KRT19: variants seen among roughly 807,000 people sequenced by gnomAD.
KRT19 encodes the protein keratin 19, also known as keratin, type I cytoskeletal 19.
KRT19 carries 21 observed loss-of-function variants against 34.6 expected under a neutral mutation model. That is an observed-to-expected ratio of 0.61 (90% CI 0.43 to 0.87). The LOEUF is 0.87. KRT19 is among the 40% of genes least tolerant of loss of function. The probability of loss-of-function intolerance (pLI) is 0.00; values close to 1 mark genes in which losing one functional copy is unlikely to be tolerated. For synonymous variants in KRT19, 240 were observed against 245.8 expected (o/e 0.98, Z 0.22); for missense variants, 514 against 545.7 (o/e 0.94, Z 0.58).
chr17:41,527,716 C>G (rs1392522949), intron 1 of KRT19, 112 bp downstream of exon 1: 5 of 1,217,356 alleles, frequency 4.1e-6, no homozygotes, highest in African/African-American at 3.1e-5. Context: ...GTGGACCTTC[C>G]CACGTCCTAA....
chr17:41,528,214 TG>T lies in KRT19; in HGVS notation c.33del (p.Thr12ArgfsTer58). 1 of 1,581,208 alleles carries T rather than the reference TG, an allele frequency of 6.3e-7. No individual in the cohort carries two copies. The highest frequency in any genetic ancestry group is 8.5e-7 in the Non-Finnish European group (1 of 1,171,728). MTSYSYRQSS[A>X]TSSFGGLGGG... ...CCGCCCAGGCCTCCGAAGGACGACG[TG>T]GCCGACGACTGGCGATAGCTGTAGG... On this transcript the variant is annotated frameshift_variant, in exon 1 of 6. Transcript: ENST00000361566. LOFTEE classifies it high-confidence loss of function.
At position 41,524,504 on chromosome 17, in the gene KRT19, C is replaced by T. The variant is rs771737175; in HGVS notation, c.697G>A (p.Val233Ile). Reference protein sequence around the residue: ...STLRGQVGGQVSVEVDSAPGT... With the variant: ...STLRGQVGGQISVEVDSAPGT... Reference sequence around the variant, plus strand: ...GGAGCGGAATCCACCTCCACACTGACCTGGCCTCCCACTTGGCCCCTCAGC... The same window carrying T: ...GGAGCGGAATCCACCTCCACACTGATCTGGCCTCCCACTTGGCCCCTCAGC... Residue 233 changes from valine to isoleucine, a missense_variant, in exon 4 of 6, where the codon GTC becomes ATC. Coordinates refer to ENST00000361566, the MANE Select transcript of KRT19 (RefSeq NM_002276.5). 2.5e-6 allele frequency: 4 copies of T among 1,614,174 alleles called. No homozygotes were observed. In the South Asian group the frequency reaches 3.3e-5, roughly 13 times the overall value.
Position 41,527,911 on chromosome 17 carries a change from G to T in KRT19, c.337C>A (p.Arg113Ser), listed in dbSNP as rs769172400. 1.2e-5 allele frequency: 19 copies of T among 1,613,706 alleles called. No homozygotes were observed. The highest frequency in any genetic ancestry group is 4.2e-6 in the Non-Finnish European group (5 of 1,179,868). ...GGCCCCTGCTTCTGGTACCAGTCGC[G>T]GATCTTCACCTCTAGCTCGCCGTTG... ...AANGELEVKI[R>S]DWYQKQGPGP... Residue 113 changes from arginine to serine, a missense_variant, in exon 1 of 6, where the codon CGC (arginine) becomes AGC (serine). Transcript: ENST00000361566.
In KRT19 at chr17:41,528,062, G is replaced by C. The variant is rs758517038; in HGVS notation, c.186C>G (p.Gly62=). ...FVSSSSSGAY[G]GGYGGVLTAS... is the part of the protein sequence containing the mutation. ...CGGTCAGGACGCCGCCGTAGCCGCCGCCGTAGGCCCCCGAGGAGGACGAGG... is the reference window on the plus strand; with the variant it reads ...CGGTCAGGACGCCGCCGTAGCCGCCCCCGTAGGCCCCCGAGGAGGACGAGG... The change falls in exon 1 of 6, where the codon GGC becomes GGG. Residue 62 remains glycine, a synonymous_variant. Coordinates refer to ENST00000361566, the MANE Select transcript of KRT19 (RefSeq NM_002276.5). 8.7e-6 allele frequency: 14 copies of C among 1,609,770 alleles called. No homozygotes were observed. The Admixed American group carries it at 1.0e-4, about 12-fold the overall frequency.
rs758074102 is a variant in KRT19, at chr17:41,524,234, G to C, written c.857C>G (p.Thr286Arg). Reference protein sequence around the residue: ...EELNREVAGHTEQLQMSRSEV... With the variant: ...EELNREVAGHREQLQMSRSEV... Reference sequence around the variant, plus strand: ...GGACCTGCTCATCTGGAGCTGCTCCGTGTGGCCAGCGACCTCCCGGTTCAA... The same window carrying C: ...GGACCTGCTCATCTGGAGCTGCTCCCTGTGGCCAGCGACCTCCCGGTTCAA... Residue 286 changes from threonine to arginine, a missense_variant, in exon 5 of 6, where the codon ACG becomes AGG. By Grantham distance (71) the Thr-to-Arg change is moderately conservative. Coordinates refer to ENST00000361566, the MANE Select transcript of KRT19 (RefSeq NM_002276.5). 6.2e-7 allele frequency: 1 copy of C among 1,614,084 alleles called. No homozygotes were observed. The highest frequency in any genetic ancestry group is 8.5e-7 in the Non-Finnish European group (1 of 1,179,996).
At chr17:41,527,735 T>A in intron 1 of KRT19, 93 bp downstream of exon 1, 1 of 1,402,754 alleles carries the variant, frequency 7.1e-7, no homozygotes, top group Non-Finnish European at 9.5e-7. Context: ...AACGGGCTCC[T>A]GCCCGCCGCC....
At chr17:41,527,437 C>T (rs1398750414) in intron 1 of KRT19, among the ~76,000 whole-genome samples, 2 of 152,336 alleles carry the variant, frequency 1.3e-5, no homozygotes, top group Admixed American at 6.5e-5. Flanking sequence ...CAAAGCCAAA[C>T]TCTCGCATCT....
chr17:41,526,510 C>T (rs1905870113), intron 1 of KRT19, among the ~76,000 whole-genome samples: 1 of 144,038 alleles, frequency 6.9e-6, no homozygotes, highest in African/African-American at 2.6e-5. Context: ...TGCAGTGGCA[C>T]TGATCACGTA....
Position 41,523,976 on chromosome 17 carries a change from G to C in KRT19, c.970C>G (p.Leu324Val), listed in dbSNP as rs1321444693. The change falls in exon 6 of 6, where the codon CTG (leucine) becomes GTG (valine). Residue 324 changes from leucine (L) to valine (V), a missense_variant. Coordinates refer to ENST00000361566, the MANE Select transcript of KRT19 (RefSeq NM_002276.5). ...LSMKAALEDT[L>V]AETEARFGAQ... ...CCAAAGCGCGCCTCCGTTTCTGCCA[G>C]TGTGTCTTCCAAGGCAGCTTTCTGA... 2.5e-6 allele frequency: 4 copies of C among 1,611,950 alleles called. No individual in the cohort carries two copies. The highest frequency in any genetic ancestry group is 1.1e-5 in the South Asian group (1 of 91,074).
chr17:41,523,667 A>G lies in KRT19; in HGVS notation c.*76T>C. 6.9e-7 allele frequency: 1 copy of G among 1,453,164 alleles called. No individual in the cohort carries two copies. Among genetic ancestry groups the G allele is most frequent in the South Asian group, 1.2e-5 (1 of 81,214 alleles). 90.0% of individuals were successfully genotyped at this position (1,453,164 alleles called of 1,614,324 possible). A position where few individuals can be genotyped will look rare whatever the true frequency, so the allele number is the denominator to read the frequency against. Reference sequence around the variant, plus strand: ...GCAGGTCAGGAGAAGAGCCGGGGGTAAGGGTCCCTTCCTTCCCATCCCTCT... The same window carrying G: ...GCAGGTCAGGAGAAGAGCCGGGGGTGAGGGTCCCTTCCTTCCCATCCCTCT... On this transcript the variant is annotated 3_prime_UTR_variant, in exon 6 of 6. Transcript: ENST00000361566.
At chr17:41,525,354 A>C in intron 1 of KRT19, 81 bp from the exon 2 acceptor site, 2 of 1,059,940 alleles carry the variant, frequency 1.9e-6, no homozygotes, top group Non-Finnish European at 3.0e-6. Flanking sequence ...GAGAGAGGGG[A>C]GCAAATGAAT....
At position 41,524,588 on chromosome 17, in the gene KRT19, G is replaced by A. The variant is rs772901486; in HGVS notation, c.661-48C>T. Reference sequence around the variant, plus strand: ...GGCATGTCAGGGCCCAGACCCCACTGGGCCTGGCCCAGGTCACTTCCCCAC... The same window carrying A: ...GGCATGTCAGGGCCCAGACCCCACTAGGCCTGGCCCAGGTCACTTCCCCAC... On this transcript the variant is annotated intron_variant, in intron 3 of 5. Coordinates refer to ENST00000361566, the MANE Select transcript of KRT19 (RefSeq NM_002276.5). 2.6e-5 allele frequency: 42 copies of A among 1,602,222 alleles called. No homozygotes were observed. In the South Asian group the frequency reaches 4.6e-4, roughly 18 times the overall value.
chr17:41,527,830 T>A lies in KRT19; in HGVS notation c.418A>T (p.Lys140Ter). Residue 140 changes from lysine to a stop codon, truncating the protein, a stop_gained and splice_region_variant, in exon 1 of 6, where the codon AAG (lysine) becomes TAG (stop). Transcript: ENST00000361566. LOFTEE classifies it high-confidence loss of function. ...CCCGCGGCCGGGCCTCCGCCCACCT[T>A]GTCCCGCAGGTCCTGGATGGTCGTG... ...YYTTIQDLRD[K>*]ILGATIENSR... 1 of 1,579,018 alleles carries A rather than the reference T, an allele frequency of 6.3e-7. No homozygotes were observed. The highest frequency in any genetic ancestry group is 2.3e-5 in the East Asian group (1 of 43,660).
intron 1 of KRT19, 108 bp downstream of exon 1, chr17:41,527,720 G>A (rs1905915486): frequency 1.6e-6 from 2 of 1,250,802 alleles, no homozygotes; most frequent in Non-Finnish European, 2.2e-6. Context: ...ACCTTCCCAC[G>A]TCCTAACGGG....
rs1180588800 is a variant in KRT19, at chr17:41,523,847, T to C, written c.1099A>G (p.Met367Val). The change falls in exon 6 of 6, where the codon ATG becomes GTG. Residue 367 changes from methionine (M) to valine (V), a missense_variant. Physicochemically the swap from Met to Val is conservative, Grantham distance 21 (BLOSUM62 1). Coordinates refer to ENST00000361566, the MANE Select transcript of KRT19 (RefSeq NM_002276.5). ...TGCTCCAGCCGCGACTTGATGTCCA[T>C]GAGCCGCTGGTACTCCTGATTCTGC... ...ERQNQEYQRL[M>V]DIKSRLEQEI... 2 of 1,614,038 alleles carry C rather than the reference T, an allele frequency of 1.2e-6. No homozygotes were observed. The highest frequency in any genetic ancestry group is 1.7e-6 in the Non-Finnish European group (2 of 1,180,020).
Position 41,528,011 on chromosome 17 carries a change from G to C in KRT19, c.237C>G (p.Asn79Lys), listed in dbSNP as rs141733925. The C allele has an allele frequency of 7.9e-5, 128 of 1,613,156 alleles. No homozygotes were observed. The African/African-American group carries it at 1.5e-3, about 19-fold the overall frequency. The part of the protein sequence containing the change: ...LTASDGLLAG[N>K]EKLTMQNLND... ...TGAGGTTCTGCATGGTTAGCTTCTC[G>C]TTGCCCGCCAGCAGCCCGTCGGACG... is the stretch of plus-strand genomic sequence containing the variant. Residue 79 changes from asparagine (N) to lysine (K), a missense_variant, in exon 1 of 6, where the codon AAC becomes AAG. Asn to Lys is a moderately conservative substitution (Grantham distance 94, BLOSUM62 0). Coordinates refer to ENST00000361566, the MANE Select transcript of KRT19 (RefSeq NM_002276.5).
In KRT19 at chr17:41,524,891, G is replaced by T. The variant is rs762974814; in HGVS notation, c.612C>A (p.Ile204=). ...TLARTDLEMQ[I]EGLKEELAYL... ...AGGCCAGCTCTTCCTTCAGGCCTTC[G>T]ATCTGCATCTCCAGGTCGGTCCTGG... is the stretch of plus-strand genomic sequence containing the variant. Residue 204 remains isoleucine (I), a synonymous_variant, in exon 3 of 6, where the codon ATC becomes ATA. Transcript: ENST00000361566. 2 of 1,614,066 alleles carry T rather than the reference G, an allele frequency of 1.2e-6. No homozygotes were observed. Among genetic ancestry groups the T allele is most frequent in the African/African-American group, 2.7e-5 (2 of 74,930 alleles).
At chr17:41,526,562 CTTTTTTTTTTTT>C (rs60030898) in intron 1 of KRT19, among the ~76,000 whole-genome samples, 5 of 72,190 alleles carry the variant, frequency 6.9e-5, no homozygotes, top group East Asian at 4.6e-4. Context: ...AAGCTAATTC[CTTTTTTTTTTTT>C]TTTTTTTTTT....
At position 41,524,236 on chromosome 17, in the gene KRT19, GT is replaced by G; in HGVS notation, c.854del (p.His285ProfsTer7). The G allele has an allele frequency of 6.2e-7, 1 of 1,614,134 alleles. No homozygotes were observed. On this transcript the variant is annotated frameshift_variant, in exon 5 of 6. Coordinates refer to ENST00000361566, the MANE Select transcript of KRT19 (RefSeq NM_002276.5). LOFTEE classifies it high-confidence loss of function. ...TEELNREVAG[H>X]TEQLQMSRSE... Reference sequence around the variant, plus strand: ...ACCTGCTCATCTGGAGCTGCTCCGTGTGGCCAGCGACCTCCCGGTTCAATTC... The same window carrying G: ...ACCTGCTCATCTGGAGCTGCTCCGTGGGCCAGCGACCTCCCGGTTCAATTC...
Sources: allele counts gnomAD v4.1 joint callset (sites outside exome capture counted in the v4.1 genomes callset), GRCh38; gene constraint gnomAD v4.1.1; transcripts MANE v1.5; gene names NCBI Gene and HGNC (gene_info 2026-07-23, HGNC 2026-07-21).